Variants in NEGR1 observed in about 807,000 individuals in gnomAD.
NEGR1 encodes neuronal growth regulator 1.
A neutral mutation model predicts 40.9 loss-of-function variants in NEGR1; 10 were observed. The ratio of observed to expected loss-of-function variants is 0.24; its 90% CI spans 0.15 to 0.42. NEGR1 has a LOEUF of 0.42. Among genes scored for constraint, NEGR1 ranks in the 10% least tolerant of loss-of-function variants. NEGR1 has a pLI of 1.00. For missense variants in NEGR1, 352 were observed against 438.9 expected, an observed-to-expected ratio of 0.80 and a Z score of 1.77; for synonymous variants, 185 against 166.8, an observed-to-expected ratio of 1.11 and a Z score of -0.84.
chr1:71,882,275 C>T (rs574010228), intron 2 of NEGR1, among the ~76,000 whole-genome samples: 2 of 152,146 alleles, frequency 1.3e-5, no homozygotes, highest in Admixed American at 1.3e-4. Flanking sequence ...TAAAATTTTC[C>T]TCAGTCCTGC....
chr1:71,857,528 T>G (rs1042880984), intron 2 of NEGR1, among the ~76,000 whole-genome samples: 2 of 142,892 alleles, frequency 1.4e-5, no homozygotes. Flanking sequence ...CTTGAGGATC[T>G]GAAGTGGGAA....
Position 71,927,448 on chromosome 1 carries a change from G to A in NEGR1, c.409+7631C>T, listed in dbSNP as rs1037234307. Among the ~76,000 whole-genome samples, 12 of 152,186 alleles carry A rather than the reference G, an allele frequency of 7.9e-5. No individual in the cohort carries two copies. In the South Asian group the frequency reaches 2.5e-3, roughly 32 times the overall value. On this transcript the variant is annotated intron_variant, in intron 2 of 6. Transcript: ENST00000357731. ...AATTTGTCTGTGAAGGTACATTTGG[G>A]AAAACAACCTTGATTCTGAATTTGT...
Position 71,860,324 on chromosome 1 carries a change from T to G in NEGR1, c.409+74755A>C, listed in dbSNP as rs1210783537. On this transcript the variant is annotated intron_variant, in intron 2 of 6. Transcript: ENST00000357731. ...TACCTTACAAGGTAGGAGAGATCAT[T>G]TCACAGCAGAGCCATACTTTTTATT... 3.3e-5 allele frequency among the ~76,000 whole-genome samples: 5 copies of G among 152,040 alleles called. No homozygotes were observed. The East Asian group carries it at 9.7e-4, about 29-fold the overall frequency.
At chr1:71,928,895 T>C (rs1464822606) in intron 2 of NEGR1, among the ~76,000 whole-genome samples, 1 of 152,088 alleles carries the variant, frequency 6.6e-6, no homozygotes, top group Non-Finnish European at 1.5e-5. Flanking sequence ...GTATAATTTG[T>C]CTTCCATTGG....
At chr1:72,082,088 T>C (rs961463136) in intron 1 of NEGR1, among the ~76,000 whole-genome samples, 2 of 152,140 alleles carry the variant, frequency 1.3e-5, no homozygotes, top group Admixed American at 6.6e-5. Context: ...CTCCATCCTA[T>C]GATTGTGGAA....
intron 2 of NEGR1, among the ~76,000 whole-genome samples, chr1:71,800,423 A>T (rs1047928003): frequency 2.0e-5 from 3 of 152,148 alleles, no homozygotes; most frequent in African/African-American, 7.2e-5. Context: ...GTCTTTGCCC[A>T]TGCCTATGTC....
intron 1 of NEGR1, among the ~76,000 whole-genome samples, chr1:72,155,092 C>A (rs187072043): frequency 6.6e-6 from 1 of 151,898 alleles, no homozygotes; most frequent in East Asian, 1.9e-4. Flanking sequence ...TTTTTGCAAC[C>A]ATTTAAAACA....
chr1:72,245,987 T>G (rs1654890121), intron 1 of NEGR1, among the ~76,000 whole-genome samples: 1 of 152,132 alleles, frequency 6.6e-6, no homozygotes, highest in African/African-American at 2.4e-5. Context: ...TAAATATTAA[T>G]TATTTAATAC....
intron 2 of NEGR1, among the ~76,000 whole-genome samples, chr1:71,822,340 C>A (rs1431095259): frequency 6.6e-6 from 1 of 151,948 alleles, no homozygotes; most frequent in Non-Finnish European, 1.5e-5. Flanking sequence ...CTATAGAACA[C>A]CTGCAATGAA....
chr1:71,977,126 C>A (rs926407183), intron 1 of NEGR1, among the ~76,000 whole-genome samples: 9 of 152,000 alleles, frequency 5.9e-5, no homozygotes, highest in African/African-American at 1.9e-4. Context: ...AGTTTGAGAC[C>A]AATCTGGCCA....
At chr1:72,076,890 C>CTTTTCCTT (rs1647764660) in intron 1 of NEGR1, among the ~76,000 whole-genome samples, 1 of 101,692 alleles carries the variant, frequency 9.8e-6, no homozygotes, top group Non-Finnish European at 1.8e-5. Flanking sequence ...CTCATTTATC[C>CTTTTCCTT]TTTTTTTTTT....
At chr1:72,000,038 A>T (rs1646544268) in intron 1 of NEGR1, among the ~76,000 whole-genome samples, 1 of 151,976 alleles carries the variant, frequency 6.6e-6, no homozygotes, top group Non-Finnish European at 1.5e-5. Context: ...TTCGGTTCCC[A>T]GAATAACACT....
At chr1:71,724,694 C>A (rs1177782268) in intron 3 of NEGR1, among the ~76,000 whole-genome samples, 3 of 152,106 alleles carry the variant, frequency 2.0e-5, no homozygotes, top group African/African-American at 7.2e-5. Flanking sequence ...AATGCTCAGC[C>A]CAGAGCTAAT....
At chr1:72,043,258 T>A (rs1646971603) in intron 1 of NEGR1, among the ~76,000 whole-genome samples, 1 of 151,936 alleles carries the variant, frequency 6.6e-6, no homozygotes, top group African/African-American at 2.4e-5. Flanking sequence ...TTTTCTCTAC[T>A]TGCCTTTTTC....
At chr1:72,208,984 T>C (rs552299629) in intron 1 of NEGR1, among the ~76,000 whole-genome samples, 10 of 151,822 alleles carry the variant, frequency 6.6e-5, no homozygotes, top group African/African-American at 2.4e-4. Context: ...TCTTCTTTTC[T>C]AGAGTTTTTG....
At chr1:71,744,382 G>A (rs995352889) in intron 3 of NEGR1, among the ~76,000 whole-genome samples, 1 of 137,756 alleles carries the variant, frequency 7.3e-6, no homozygotes, top group Admixed American at 7.4e-5. Context: ...TAATAAGCCA[G>A]GCAGGTTTAA....
At chr1:71,822,440 C>G (rs920253813) in intron 2 of NEGR1, among the ~76,000 whole-genome samples, 4 of 152,106 alleles carry the variant, frequency 2.6e-5, no homozygotes, top group African/African-American at 9.6e-5. Flanking sequence ...CTGGAACAAT[C>G]AGCACATAAA....
chr1:71,907,682 C>CA (rs1371416729), intron 2 of NEGR1, among the ~76,000 whole-genome samples: 1 of 151,974 alleles, frequency 6.6e-6, no homozygotes, highest in Non-Finnish European at 1.5e-5. Flanking sequence ...ATTGTTGTAC[C>CA]AAAAATATGC....
At chr1:71,677,801 C>A (rs1049240054) in intron 4 of NEGR1, among the ~76,000 whole-genome samples, 2 of 152,122 alleles carry the variant, frequency 1.3e-5, no homozygotes, top group Admixed American at 6.6e-5. Flanking sequence ...AACTTGCAGT[C>A]TAGCTTCGTA....
Sources: allele counts gnomAD v4.1 joint callset (sites outside exome capture counted in the v4.1 genomes callset), GRCh38; gene constraint gnomAD v4.1.1; transcripts MANE v1.5; gene names NCBI Gene and HGNC (gene_info 2026-07-23, HGNC 2026-07-21).